The following AFF3 variants were observed in gnomAD, a reference collection of about 807,000 sequenced individuals.
AFF3 encodes the protein AF4/FMR2 family member 3.
A neutral mutation model predicts 129.7 loss-of-function variants in AFF3; 32 were observed. The observed-to-expected ratio is 0.25, with a 90% CI of 0.19 to 0.33. The LOEUF is 0.33. AFF3 is among the 10% of genes least tolerant of loss of function. The pLI, the probability that AFF3 is intolerant of heterozygous loss-of-function variation, is 1.00. For synonymous variants in AFF3, 644 were observed against 635.4 expected (o/e 1.01, Z -0.20); for missense variants, 1,373 against 1,592.0 (o/e 0.86, Z 2.34).
At chr2:99,623,505 C>T (rs1016196076) in intron 13 of AFF3, among the ~76,000 whole-genome samples, 3 of 152,192 alleles carry the variant, frequency 2.0e-5, no homozygotes, top group Non-Finnish European at 4.4e-5. Flanking sequence ...CCTCTGCCAG[C>T]CCAGGATGGG....
rs200040551 is a variant in AFF3 at position 99,647,652 on chromosome 2, G to GA, written c.1184+1973dup. 1.1e-3 allele frequency among the ~76,000 whole-genome samples: 164 copies of GA among 150,276 alleles called. 1 individual carries two copies. The East Asian group carries it at 0.029, about 26-fold the overall frequency. Reference sequence around the variant, plus strand: ...CCCTGAACTTAAAATACAAGTTGAAGAAAAAAAAAGAAAGAAAGAAAAAAG... The same window carrying GA: ...CCCTGAACTTAAAATACAAGTTGAAGAAAAAAAAAAGAAAGAAAGAAAAAAG... On this transcript the variant is annotated intron_variant, in intron 13 of 24. Coordinates refer to ENST00000672756, the MANE Select transcript of AFF3 (RefSeq NM_001386135.1).
chr2:99,614,358 C>T (rs1681212881), intron 13 of AFF3, among the ~76,000 whole-genome samples: 1 of 152,226 alleles, frequency 6.6e-6, no homozygotes, highest in African/African-American at 2.4e-5. Context: ...GCATCTGGAA[C>T]TCTTTCAGTT....
At chr2:99,941,428 T>C (rs1675032227) in intron 7 of AFF3, among the ~76,000 whole-genome samples, 1 of 152,204 alleles carries the variant, frequency 6.6e-6, no homozygotes, top group Admixed American at 6.5e-5. Flanking sequence ...CACACCATAG[T>C]AAATCTACTA....
chr2:99,567,969 T>C (rs898110962), intron 19 of AFF3, among the ~76,000 whole-genome samples: 2 of 152,226 alleles, frequency 1.3e-5, no homozygotes, highest in African/African-American at 4.8e-5. Flanking sequence ...TACCTTCCGC[T>C]GCCCTCCTCT....
chr2:99,642,718 C>T (rs1018190226), intron 13 of AFF3, among the ~76,000 whole-genome samples: 1 of 152,200 alleles, frequency 6.6e-6, no homozygotes, highest in African/African-American at 2.4e-5. Context: ...TCTATTGGTG[C>T]TTGATGGGAG....
At chr2:100,087,760 G>C (rs915214510) in intron 4 of AFF3, among the ~76,000 whole-genome samples, 18 of 151,930 alleles carry the variant, frequency 1.2e-4, no homozygotes, top group African/African-American at 4.3e-4. Context: ...AACAAATCCA[G>C]TGATATATAA....
intron 4 of AFF3, among the ~76,000 whole-genome samples, chr2:100,082,674 G>T (rs1689123481): frequency 1.3e-5 from 2 of 152,016 alleles, no homozygotes; most frequent in Non-Finnish European, 2.9e-5. Flanking sequence ...GCTATAAAAG[G>T]GATATGTGAA....
intron 8 of AFF3, among the ~76,000 whole-genome samples, chr2:99,779,694 A>G (rs1684237966): frequency 1.3e-5 from 2 of 152,200 alleles, no homozygotes; most frequent in African/African-American, 4.8e-5. Flanking sequence ...TTCACGGTCT[A>G]TTATTCCACT....
chr2:100,086,357 C>T (rs1158369648), intron 4 of AFF3, among the ~76,000 whole-genome samples: 1 of 151,360 alleles, frequency 6.6e-6, no homozygotes. Flanking sequence ...CCAGTCTCTA[C>T]TAAATATACA....
At chr2:99,695,369 G>A (rs1310008383) in intron 11 of AFF3, among the ~76,000 whole-genome samples, 3 of 152,158 alleles carry the variant, frequency 2.0e-5, no homozygotes, top group South Asian at 4.1e-4. Flanking sequence ...TATACTCAAG[G>A]ACTTCACTGC....
At chr2:99,914,746 T>A (rs1695347468) in intron 7 of AFF3, among the ~76,000 whole-genome samples, 1 of 151,060 alleles carries the variant, frequency 6.6e-6, no homozygotes, top group African/African-American at 2.4e-5. Flanking sequence ...AAACCCCATC[T>A]CTACTAAAAA....
In AFF3 at chr2:99,727,063, T is replaced by A. The variant is rs769965393; in HGVS notation, c.1091+14A>T. The A allele has an allele frequency of 6.3e-7, 1 of 1,599,040 alleles. No homozygotes were observed. The highest frequency in any genetic ancestry group is 8.5e-7 in the Non-Finnish European group (1 of 1,172,570). On this transcript the variant is annotated intron_variant, in intron 11 of 24. Transcript: ENST00000672756. Reference sequence around the variant, plus strand: ...AAGAACAGGCATCTCTGATAGAAAATGAAAGAAACTTACGATGTATTCGAT... The same window carrying A: ...AAGAACAGGCATCTCTGATAGAAAAAGAAAGAAACTTACGATGTATTCGAT...
intron 8 of AFF3, among the ~76,000 whole-genome samples, chr2:99,759,850 T>C (rs1420933842): frequency 6.6e-6 from 1 of 152,230 alleles, no homozygotes; most frequent in African/African-American, 2.4e-5. Context: ...GAATGGACTA[T>C]CCTGATTTCC....
intron 14 of AFF3, 103 bp from the exon 15 acceptor site, chr2:99,594,392 G>A: frequency 1.4e-6 from 2 of 1,471,042 alleles, no homozygotes; most frequent in Non-Finnish European, 1.8e-6. Context: ...AAGTATATGA[G>A]CAGAAAACGA....
chr2:99,615,351 T>G (rs953887438), intron 13 of AFF3, among the ~76,000 whole-genome samples: 2 of 152,204 alleles, frequency 1.3e-5, no homozygotes, highest in African/African-American at 2.4e-5. Flanking sequence ...GCAGCTGCAC[T>G]TCCCGCCTGT....
rs1222133709 is a variant in AFF3 at position 99,558,918 on chromosome 2, T to G, written c.3242A>C (p.Asp1081Ala). The G allele has an allele frequency of 3.1e-6, 5 of 1,614,158 alleles. No individual in the cohort carries two copies. The South Asian group carries it at 5.5e-5, about 18-fold the overall frequency. The part of the protein sequence containing the change: ...LYWRMFRLKR[D>A]HAVKYSKALI... ...TGCTTTTGAATACTTTACAGCGTGG[T>G]CCCTTTTGAGTCGAAACATCCGCCA... The change falls in exon 22 of 25, where the codon GAC becomes GCC. Residue 1081 changes from aspartate to alanine, a missense_variant. Asp to Ala is a moderately radical substitution (Grantham distance 126). Transcript: ENST00000672756.
At position 99,826,173 on chromosome 2, in the gene AFF3, C is replaced by T. The variant is rs189888348; in HGVS notation, c.921+11304G>A. Among the ~76,000 whole-genome samples the T allele has an allele frequency of 1.5e-3, 232 of 152,200 alleles. 1 individual carries two copies. The highest frequency in any genetic ancestry group is 2.6e-3 in the Non-Finnish European group (178 of 68,024). ...GGGATTACAGTCCCCCGCCACCATGCCCAGCTAATTTTTGTATTTTTAGTA... is the reference window on the plus strand; with the variant it reads ...GGGATTACAGTCCCCCGCCACCATGTCCAGCTAATTTTTGTATTTTTAGTA... On this transcript the variant is annotated intron_variant, in intron 8 of 24. Transcript: ENST00000672756.
intron 4 of AFF3, among the ~76,000 whole-genome samples, chr2:100,011,146 C>T (rs1682500042): frequency 6.6e-6 from 1 of 152,232 alleles, no homozygotes; most frequent in African/African-American, 2.4e-5. Flanking sequence ...CGGTGGTGGG[C>T]ACCTGTAGTC....
chr2:100,114,934 G>T (rs1691679302), intron 2 of AFF3, among the ~76,000 whole-genome samples: 1 of 152,208 alleles, frequency 6.6e-6, no homozygotes, highest in Admixed American at 6.5e-5. Context: ...CGTGATTGGG[G>T]TGGAAATGTC....
Sources: gnomAD v4.1 joint callset for allele counts (sites outside exome capture counted in the v4.1 genomes callset) on GRCh38, gnomAD v4.1.1 for gene constraint, MANE v1.5 for transcripts, NCBI Gene and HGNC (gene_info 2026-07-23, HGNC 2026-07-21) for gene names.